The following SCAPER variants were observed in gnomAD, a reference collection of about 807,000 sequenced individuals.
SCAPER encodes S phase cyclin A-associated protein in the endoplasmic reticulum.
Under a neutral mutation model 182.2 loss-of-function variants are expected in SCAPER, and 98 were observed. The ratio of observed to expected loss-of-function variants is 0.54; its 90% CI spans 0.46 to 0.64. SCAPER has a LOEUF of 0.64. Among genes scored for constraint, SCAPER ranks in the 30% least tolerant of loss-of-function variants. SCAPER has a pLI of 0.00. For missense variants in SCAPER, 1,432 were observed against 1,690.0 expected, an observed-to-expected ratio of 0.85 and a Z score of 2.68; for synonymous variants, 605 against 564.6, an observed-to-expected ratio of 1.07 and a Z score of -1.01.
chr15:76,614,259 G>A (rs2051257748), intron 22 of SCAPER, among the ~76,000 whole-genome samples: 1 of 152,166 alleles, frequency 6.6e-6, no homozygotes, highest in Non-Finnish European at 1.5e-5. Flanking sequence ...GATGGAGGGT[G>A]GGAGGAGGGA....
In SCAPER at chr15:76,795,455, A is replaced by T; in HGVS notation, c.612-15T>A. 1 of 1,497,494 alleles carries T rather than the reference A, an allele frequency of 6.7e-7. No homozygotes were observed. Among genetic ancestry groups the T allele is most frequent in the South Asian group, 1.4e-5 (1 of 70,850 alleles). The allele number at this position is 1,497,494 out of a possible 1,614,324, so 92.8% of individuals were successfully genotyped here. The stretch of plus-strand genomic sequence containing the variant: ...CAGTTGAACCTCTATGGAGAAAAAT[A>T]AACACATTTAATAAATTAAATATAA... On this transcript the variant is annotated splice_polypyrimidine_tract_variant and intron_variant, in intron 7 of 31. Transcript: ENST00000563290.
intron 20 of SCAPER, among the ~76,000 whole-genome samples, chr15:76,696,788 C>T (rs924815826): frequency 4.6e-5 from 7 of 152,108 alleles, no homozygotes; most frequent in Non-Finnish European, 1.0e-4. Flanking sequence ...AAAACTACTA[C>T]CCATTTTTGA....
At chr15:76,838,994 C>A (rs1009734321) in intron 5 of SCAPER, among the ~76,000 whole-genome samples, 1 of 152,152 alleles carries the variant, frequency 6.6e-6, no homozygotes, top group African/African-American at 2.4e-5. Flanking sequence ...GGTAAGAGAG[C>A]AAGGGAAATG....
chr15:76,665,572 C>A, intron 21 of SCAPER, 81 bp downstream of exon 21: 1 of 1,450,930 alleles, frequency 6.9e-7, no homozygotes, highest in Non-Finnish European at 9.1e-7. Flanking sequence ...CAACTTTAAA[C>A]TTTTTTTGTC....
chr15:76,520,248 T>G (rs1161234431), intron 23 of SCAPER, among the ~76,000 whole-genome samples: 2 of 152,204 alleles, frequency 1.3e-5, no homozygotes, highest in Admixed American at 6.5e-5. Flanking sequence ...AGACAAAGTC[T>G]CACTCTGTCA....
intron 21 of SCAPER, among the ~76,000 whole-genome samples, chr15:76,628,059 CAT>C (rs1597793736): frequency 2.0e-5 from 3 of 152,292 alleles, no homozygotes; most frequent in East Asian, 1.9e-4. Context: ...AGCTTTTCTT[CAT>C]ATGTTTGTTG....
chr15:76,855,255 C>A (rs2071220577), intron 4 of SCAPER, among the ~76,000 whole-genome samples: 1 of 152,094 alleles, frequency 6.6e-6, no homozygotes. Flanking sequence ...CCCTTCCTTA[C>A]ACCATATACA....
In SCAPER at chr15:76,666,133, G is replaced by A. The variant is rs185772075; in HGVS notation, c.2509-344C>T. ...AAGCCAATCAGAGATTTAGAGTGCC[G>A]TTAAGAACCCGAAGAGGGAAACAAG... On this transcript the variant is annotated intron_variant, in intron 20 of 31. Transcript: ENST00000563290. 9.2e-5 allele frequency among the ~76,000 whole-genome samples: 14 copies of A among 152,276 alleles called. No homozygotes were observed. In the East Asian group the frequency reaches 2.3e-3, roughly 25 times the overall value.
At chr15:76,857,321 T>A (rs62029234) in intron 4 of SCAPER, among the ~76,000 whole-genome samples, 11,565 of 151,866 alleles carry the variant, frequency 0.076, 502 homozygotes, top group Middle Eastern at 0.11. Context: ...TAGTTCCAGG[T>A]TCTGGGGTGG....
chr15:76,466,979 T>C (rs545295095), intron 25 of SCAPER, among the ~76,000 whole-genome samples: 2 of 152,226 alleles, frequency 1.3e-5, no homozygotes, highest in South Asian at 2.1e-4. Context: ...GACTGGATCA[T>C]GGAGGCAGAT....
At chr15:76,731,847 T>A (rs1356170976) in intron 16 of SCAPER, among the ~76,000 whole-genome samples, 4 of 152,244 alleles carry the variant, frequency 2.6e-5, no homozygotes, top group African/African-American at 9.6e-5. Context: ...TTTAGTAAAC[T>A]GTTTTCCTTT....
At chr15:76,728,570 TTCA>T (rs1236838198) in intron 17 of SCAPER, 22 bp downstream of exon 17, 1 of 1,612,438 alleles carries the variant, frequency 6.2e-7, no homozygotes, top group Non-Finnish European at 8.5e-7. Flanking sequence ...GTGCAAAATG[TTCA>T]TCAAGATAGC....
At chr15:76,638,005 T>C (rs903834930) in intron 21 of SCAPER, among the ~76,000 whole-genome samples, 18 of 152,132 alleles carry the variant, frequency 1.2e-4, no homozygotes, top group African/African-American at 3.4e-4. Context: ...TGTATTTTTA[T>C]TACTGAGCTG....
At chr15:76,630,840 T>C (rs1187848204) in intron 21 of SCAPER, among the ~76,000 whole-genome samples, 2 of 152,228 alleles carry the variant, frequency 1.3e-5, no homozygotes, top group African/African-American at 2.4e-5. Context: ...GTTCAAGTCC[T>C]GAACATTTTT....
intron 14 of SCAPER, 47 bp downstream of exon 14, chr15:76,764,914 C>T (rs2151275901): frequency 1.8e-6 from 2 of 1,121,758 alleles, no homozygotes; most frequent in East Asian, 5.2e-5. Flanking sequence ...TGAAAATAAG[C>T]CCAGCAACTT....
chr15:76,829,164 G>A (rs1399347558), intron 5 of SCAPER, among the ~76,000 whole-genome samples: 1 of 152,156 alleles, frequency 6.6e-6, no homozygotes, highest in Non-Finnish European at 1.5e-5. Context: ...CACTGTGGAT[G>A]GAGTTGGAGG....
chr15:76,686,472 G>T (rs1477809220), intron 20 of SCAPER, among the ~76,000 whole-genome samples: 1 of 151,986 alleles, frequency 6.6e-6, no homozygotes, highest in Non-Finnish European at 1.5e-5. Flanking sequence ...GTGCAAATTG[G>T]TGCAACCAAT....
intron 14 of SCAPER, among the ~76,000 whole-genome samples, chr15:76,762,856 T>C (rs1431450836): frequency 6.6e-6 from 1 of 152,154 alleles, no homozygotes; most frequent in African/African-American, 2.4e-5. Flanking sequence ...AAAGTCTTGC[T>C]ATGTCGTCCA....
intron 28 of SCAPER, chr15:76,380,878 A>T (rs1001660199): frequency 6.6e-6 from 1 of 152,398 alleles, no homozygotes; most frequent in Non-Finnish European, 1.5e-5. Context: ...AAATCAGCTA[A>T]ACCATCCGTA....
Sources: allele counts gnomAD v4.1 joint callset (sites outside exome capture counted in the v4.1 genomes callset), GRCh38; gene constraint gnomAD v4.1.1; transcripts MANE v1.5; gene names NCBI Gene and HGNC (gene_info 2026-07-23, HGNC 2026-07-21).